PTDSS1: variants seen among roughly 807,000 people sequenced by gnomAD.
PTDSS1 encodes the protein phosphatidylserine synthase 1.
Under a neutral mutation model 70.5 loss-of-function variants are expected in PTDSS1, and 45 were observed. The observed-to-expected ratio is 0.64, with a 90% CI of 0.50 to 0.82. The LOEUF (loss-of-function observed/expected upper bound fraction) is 0.82, where lower values mean the gene tolerates loss of function less well. Ranked by LOEUF, PTDSS1 falls within the 40% of genes least tolerant of loss-of-function variation. The probability of loss-of-function intolerance (pLI) is 0.00; values close to 1 mark genes in which losing one functional copy is unlikely to be tolerated. For synonymous variants in PTDSS1, 188 were observed against 203.8 expected (o/e 0.92, Z 0.66); for missense variants, 417 against 586.1 (o/e 0.71, Z 2.98).
intron 4 of PTDSS1, among the ~76,000 whole-genome samples, chr8:96,288,209 G>C (rs553889633): frequency 6.6e-6 from 1 of 152,308 alleles, no homozygotes; most frequent in Non-Finnish European, 1.5e-5. Context: ...CCTCAGGGCA[G>C]AAGCTTCTGT....
At chr8:96,333,038 G>A (rs1387173080) in intron 12 of PTDSS1, among the ~76,000 whole-genome samples, 1 of 152,232 alleles carries the variant, frequency 6.6e-6, no homozygotes, top group East Asian at 1.9e-4. Flanking sequence ...CTGATGTCGG[G>A]TTTAGAAGGT....
At position 96,262,230 on chromosome 8, in the gene PTDSS1, CCA is replaced by C; in HGVS notation, c.179+12_179+13del. 6 of 1,610,388 alleles carry C rather than the reference CCA, an allele frequency of 3.7e-6. No homozygotes were observed. The highest frequency in any genetic ancestry group is 5.1e-6 in the Non-Finnish European group (6 of 1,177,860). ...CTTCGCCTTTACCAGGTGGGGCGGC[CCA>C]GCCGAGCGGGGGGCGCGTCCAAGGG... is the stretch of plus-strand genomic sequence containing the variant. On this transcript the variant is annotated intron_variant, in intron 1 of 12. Coordinates refer to ENST00000517309, the MANE Select transcript of PTDSS1 (RefSeq NM_014754.3). The surrounding 1 kb of genome is among the most constrained non-coding windows in gnomAD (Gnocchi z 4.4).
At chr8:96,295,329 A>G in intron 5 of PTDSS1, 73 bp downstream of exon 5, 2 of 1,438,102 alleles carry the variant, frequency 1.4e-6, no homozygotes, top group Non-Finnish European at 1.9e-6. Context: ...AAAGTATGTC[A>G]GTTAACAGTC....
chr8:96,313,995 G>A (rs1297802685), intron 9 of PTDSS1, among the ~76,000 whole-genome samples: 1 of 152,050 alleles, frequency 6.6e-6, no homozygotes, highest in East Asian at 1.9e-4. Flanking sequence ...CATAATTGTG[G>A]TTTTGTTCTT....
intron 2 of PTDSS1, among the ~76,000 whole-genome samples, chr8:96,277,194 C>T (rs986658962): frequency 1.5e-4 from 23 of 152,228 alleles, no homozygotes; most frequent in African/African-American, 5.5e-4. Flanking sequence ...GTGTTTACGT[C>T]GTTTGTTTTC....
intron 2 of PTDSS1, among the ~76,000 whole-genome samples, chr8:96,282,579 C>G (rs533655071): frequency 2.0e-5 from 3 of 152,186 alleles, no homozygotes; most frequent in Non-Finnish European, 4.4e-5. Flanking sequence ...ATGAACCAAA[C>G]TCACCATCCG....
At chr8:96,312,163 A>G (rs1811221458) in intron 9 of PTDSS1, among the ~76,000 whole-genome samples, 1 of 152,214 alleles carries the variant, frequency 6.6e-6, no homozygotes, top group Non-Finnish European at 1.5e-5. Context: ...GAAACGGCAA[A>G]GGTAAACTCC....
At chr8:96,324,364 T>C (rs1192260384) in intron 10 of PTDSS1, among the ~76,000 whole-genome samples, 2 of 152,242 alleles carry the variant, frequency 1.3e-5, no homozygotes, top group Non-Finnish European at 2.9e-5. Context: ...GCTGCTTCCA[T>C]ATTTTCAAGT....
intron 6 of PTDSS1, 88 bp downstream of exon 6, chr8:96,299,933 T>C (rs1811028800): frequency 7.0e-7 from 1 of 1,431,434 alleles, no homozygotes; most frequent in Non-Finnish European, 9.4e-7. Context: ...AGTATGATCT[T>C]TGATGATAAG....
intron 2 of PTDSS1, among the ~76,000 whole-genome samples, chr8:96,282,571 G>C (rs1269877233): frequency 6.6e-6 from 1 of 152,188 alleles, no homozygotes; most frequent in Admixed American, 6.5e-5. Flanking sequence ...AGTCTCTCAT[G>C]AACCAAACTC....
chr8:96,320,385 CTCATAGTA>C, intron 10 of PTDSS1, 40 bp downstream of exon 10: 1 of 1,499,016 alleles, frequency 6.7e-7, no homozygotes, highest in Non-Finnish European at 9.3e-7. Flanking sequence ...TAGCTAAACT[CTCATAGTA>C]TCACTTTAAA....
At position 96,286,840 on chromosome 8, in the gene PTDSS1, G is replaced by A. The variant is rs78914244; in HGVS notation, c.317-182G>A. On this transcript the variant is annotated intron_variant, in intron 3 of 12. Coordinates refer to ENST00000517309, the MANE Select transcript of PTDSS1 (RefSeq NM_014754.3). Reference sequence around the variant, plus strand: ...TGGTTTTCTTGACCACTCTCAATCTGAATTAGGACTGTGTATCAGACTGCC... The same window carrying A: ...TGGTTTTCTTGACCACTCTCAATCTAAATTAGGACTGTGTATCAGACTGCC... 0.085 allele frequency among the ~76,000 whole-genome samples: 12,992 copies of A among 152,200 alleles called. 1,778 individuals carry two copies. The highest frequency in any genetic ancestry group is 0.29 in the African/African-American group (11,865 of 41,460).
At chr8:96,284,183 G>A (rs1271026267) in intron 3 of PTDSS1, 30 bp downstream of exon 3, 6 of 1,564,920 alleles carry the variant, frequency 3.8e-6, no homozygotes, top group Non-Finnish European at 5.3e-6. Flanking sequence ...GTAAAAGGAT[G>A]TTCTATTTTT....
chr8:96,313,407 G>A (rs1417243970), intron 9 of PTDSS1, among the ~76,000 whole-genome samples: 2 of 152,096 alleles, frequency 1.3e-5, no homozygotes, highest in Non-Finnish European at 2.9e-5. Context: ...TGGGAGTTTT[G>A]GGGCCAGACT....
In PTDSS1 at chr8:96,318,902, C is replaced by CTTTTTTTTTTTT. The variant is rs71267241; in HGVS notation, c.1074-1329_1074-1318dup. Reference sequence around the variant, plus strand: ...AAGGGCCTTCTTGGCCCCTTCTTGCCTTTTTTTTTTTTTTTTTTTTTTTTT... The same window carrying CTTTTTTTTTTTT: ...AAGGGCCTTCTTGGCCCCTTCTTGCCTTTTTTTTTTTTTTTTTTTTTTTTTTTTTTTTTTTTT... On this transcript the variant is annotated intron_variant, in intron 9 of 12. Transcript: ENST00000517309. Among the ~76,000 whole-genome samples the CTTTTTTTTTTTT allele has an allele frequency of 8.7e-5, 4 of 46,168 alleles. 1 individual carries two copies. The highest frequency in any genetic ancestry group is 7.9e-5 in the Non-Finnish European group (2 of 25,416). 30.3% of individuals were successfully genotyped at this position (46,168 alleles called of 152,430 possible). A position where few individuals can be genotyped will look rare whatever the true frequency, so the allele number is the denominator to read the frequency against.
At chr8:96,303,771 G>A (rs1811082735) in intron 6 of PTDSS1, among the ~76,000 whole-genome samples, 1 of 152,212 alleles carries the variant, frequency 6.6e-6, no homozygotes, top group South Asian at 2.1e-4. Flanking sequence ...AATATGGAGT[G>A]TGTGCAGTTT....
chr8:96,278,802 A>T (rs1198547255), intron 2 of PTDSS1, among the ~76,000 whole-genome samples: 1 of 151,566 alleles, frequency 6.6e-6, no homozygotes, highest in East Asian at 1.9e-4. Flanking sequence ...CCACCTTACC[A>T]CGCCCCCAAA....
intron 2 of PTDSS1, among the ~76,000 whole-genome samples, chr8:96,282,825 C>T (rs1254112141): frequency 6.6e-6 from 1 of 152,188 alleles, no homozygotes; most frequent in Non-Finnish European, 1.5e-5. Context: ...ATTAAAGAGC[C>T]TGTTAAAGAC....
At chr8:96,320,969 A>G (rs6980610) in intron 10 of PTDSS1, among the ~76,000 whole-genome samples, 138,436 of 152,306 alleles carry the variant, frequency 0.91, 63,148 homozygotes, top group Non-Finnish European at 0.94. Flanking sequence ...CACATTTTGT[A>G]ACTGCCATTC....
Sources: gnomAD v4.1 joint callset for allele counts (sites outside exome capture counted in the v4.1 genomes callset) on GRCh38, gnomAD v4.1.1 for gene constraint, Gnocchi (gnomAD v3.1) non-coding constraint, MANE v1.5 for transcripts, NCBI Gene and HGNC (gene_info 2026-07-23, HGNC 2026-07-21) for gene names.